TMEM44: variants seen among roughly 807,000 people sequenced by gnomAD.
TMEM44 encodes the protein transmembrane protein 44.
In TMEM44, 43 loss-of-function variants were observed where a neutral mutation model predicts 47.8. The ratio of observed to expected loss-of-function variants is 0.90; its 90% CI spans 0.70 to 1.16. TMEM44 has a LOEUF of 1.16. Ranked by LOEUF, TMEM44 falls within the 50% of genes most tolerant of loss-of-function variation. The pLI is 0.00. For synonymous variants in TMEM44, 277 were observed against 238.8 expected (o/e 1.16, Z -1.48); for missense variants, 568 against 555.2 (o/e 1.02, Z -0.23).
At chr3:194,617,927 A>ACT (rs149167482) in intron 5 of TMEM44, among the ~76,000 whole-genome samples, 26 of 149,912 alleles carry the variant, frequency 1.7e-4, no homozygotes, top group Non-Finnish European at 3.3e-4. Context: ...ACCCTCTTGC[A>ACT]CTCTCTCTCT....
At chr3:194,603,361 G>C (rs1033398193) in intron 9 of TMEM44, among the ~76,000 whole-genome samples, 2 of 152,200 alleles carry the variant, frequency 1.3e-5, no homozygotes, top group Non-Finnish European at 2.9e-5. Flanking sequence ...TCCTCGGGGG[G>C]AGAAAAGCTC....
At chr3:194,588,756 A>G (rs1712185004) in intron 9 of TMEM44, 117 bp from the exon 10 acceptor site, 4 of 982,628 alleles carry the variant, frequency 4.1e-6, no homozygotes, top group Non-Finnish European at 6.2e-6. Context: ...AGGCACAGAC[A>G]AGGACAAAAG....
At chr3:194,591,519 A>G (rs1391151489) in intron 9 of TMEM44, among the ~76,000 whole-genome samples, 2 of 152,296 alleles carry the variant, frequency 1.3e-5, no homozygotes, top group East Asian at 1.9e-4. Flanking sequence ...TACATAAATA[A>G]GTAAGTAAAA....
intron 3 of TMEM44, among the ~76,000 whole-genome samples, chr3:194,624,895 T>A (rs555822720): frequency 6.6e-6 from 1 of 152,028 alleles, no homozygotes; most frequent in South Asian, 2.1e-4. Flanking sequence ...TGTATTTTTT[T>A]AGTAGAGACA....
chr3:194,617,219 C>A lies in TMEM44; in HGVS notation c.663G>T (p.Ser221=). 6 of 1,551,470 alleles carry A rather than the reference C, an allele frequency of 3.9e-6. No homozygotes were observed. The highest frequency in any genetic ancestry group is 5.2e-6 in the Non-Finnish European group (6 of 1,147,332). The change falls in exon 6 of 10, where the codon TCG becomes TCT. Residue 221 remains serine, a synonymous_variant. Transcript: ENST00000347147. ...AGGCATAGAGGAGGCCAGCCAGGGC[C>A]GACAGGAGCCGGGTCCACAGGTGGA... is the stretch of plus-strand genomic sequence containing the variant. ...PSIHLWTRLL[S]ALAGLLYASA... is the part of the protein sequence containing the mutation.
chr3:194,604,299 G>A lies in TMEM44; in HGVS notation c.1164C>T (p.Asn388=). 2 of 1,580,718 alleles carry A rather than the reference G, an allele frequency of 1.3e-6. No individual in the cohort carries two copies. Among genetic ancestry groups the A allele is most frequent in the Non-Finnish European group, 1.7e-6 (2 of 1,164,108 alleles). Residue 388 remains asparagine (N), a synonymous_variant, in exon 9 of 10, where the codon AAC becomes AAT. Transcript: ENST00000347147. ...AACAGCCGTGTACCTCCAGGTCGGA[G>A]TTGATGGAGGAGACCTCAGAGGAGC... The part of the protein sequence containing the change: ...SGSSSEVSSI[N]SDLEWDPEDV...
intron 3 of TMEM44, among the ~76,000 whole-genome samples, chr3:194,624,287 T>A (rs2108598769): frequency 6.6e-6 from 1 of 151,324 alleles, no homozygotes; most frequent in Admixed American, 6.6e-5. Flanking sequence ...CTTGGCCTCA[T>A]GAGTGGCTGG....
At chr3:194,602,427 C>T (rs1336222322) in intron 9 of TMEM44, among the ~76,000 whole-genome samples, 1 of 152,108 alleles carries the variant, frequency 6.6e-6, no homozygotes, top group Non-Finnish European at 1.5e-5. Flanking sequence ...CATGGTGAAA[C>T]CTCATCTTTA....
rs193086245 is a variant in TMEM44, at chr3:194,618,225, T to C, written c.613-956A>G. ...ATCCGAAAAATGAGAGATGATATTC[T>C]GGAAATTTTAAAGCCAAGAGGACAT... On this transcript the variant is annotated intron_variant, in intron 5 of 9. Coordinates refer to ENST00000347147, the MANE Select transcript of TMEM44 (RefSeq NM_001011655.3). 1.8e-3 allele frequency among the ~76,000 whole-genome samples: 270 copies of C among 152,288 alleles called. 2 individuals carry two copies. Among genetic ancestry groups the C allele is most frequent in the Non-Finnish European group, 3.1e-3 (208 of 68,026 alleles).
chr3:194,633,193 G>A lies in TMEM44; in HGVS notation c.23C>T (p.Ala8Val). Residue 8 changes from alanine to valine, a missense_variant, in exon 1 of 10, where the codon GCG (alanine) becomes GTG (valine). By Grantham distance (64) the Ala-to-Val change is moderately conservative. Coordinates refer to ENST00000347147, the MANE Select transcript of TMEM44 (RefSeq NM_001011655.3). MGEAPSPAPALWDWDYLD... is the reference protein window; with the variant it reads MGEAPSPVPALWDWDYLD... ...GTAGTCCCAGTCCCAGAGCGCGGGC[G>A]CGGGGCTGGGCGCCTCCCCCATGGC... 1 of 1,500,548 alleles carries A rather than the reference G, an allele frequency of 6.7e-7. No individual in the cohort carries two copies. Among genetic ancestry groups the A allele is most frequent in the Non-Finnish European group, 8.9e-7 (1 of 1,124,618 alleles). The allele number at this position is 1,500,548 out of a possible 1,614,324, so 93.0% of individuals were successfully genotyped here.
intron 9 of TMEM44, among the ~76,000 whole-genome samples, chr3:194,602,724 G>A (rs776256958): frequency 6.6e-4 from 101 of 152,310 alleles, no homozygotes; most frequent in Middle Eastern, 3.4e-3. Context: ...TGGCCAGGTA[G>A]TGCTCCCGGT....
chr3:194,592,050 C>G (rs1045082834), intron 9 of TMEM44, among the ~76,000 whole-genome samples: 8 of 152,032 alleles, frequency 5.3e-5, no homozygotes, highest in African/African-American at 1.9e-4. Flanking sequence ...AACCCCGTCT[C>G]TACTAAAAAT....
chr3:194,615,035 G>A (rs1355832723), intron 7 of TMEM44, among the ~76,000 whole-genome samples: 6 of 152,152 alleles, frequency 3.9e-5, no homozygotes, highest in Admixed American at 1.3e-4. Context: ...TCAGGAGTTC[G>A]AGACCAGCCT....
chr3:194,602,799 C>T (rs1441081904), intron 9 of TMEM44, among the ~76,000 whole-genome samples: 1 of 152,156 alleles, frequency 6.6e-6, no homozygotes, highest in East Asian at 1.9e-4. Context: ...CTGAGGAATC[C>T]AGACTTCATC....
In TMEM44 at chr3:194,595,366, T is replaced by C. The variant is rs1384210778; in HGVS notation, c.1177-6727A>G. Among the ~76,000 whole-genome samples the C allele has an allele frequency of 3.9e-5, 6 of 152,348 alleles. No individual in the cohort carries two copies. In the South Asian group the frequency reaches 6.2e-4, roughly 16 times the overall value. ...TCCTATAGCCTTTGTCTATATAGCA[T>C]GTAGTAATGTTTCTTTAATTCTGGA... On this transcript the variant is annotated intron_variant, in intron 9 of 9. Transcript: ENST00000347147.
chr3:194,617,296 C>CGGGGG, intron 5 of TMEM44, 27 bp from the exon 6 acceptor site: 3 of 754,310 alleles, frequency 4.0e-6, no homozygotes, highest in Non-Finnish European at 6.1e-6. Context: ...AGGGGCTGGG[C>CGGGGG]GGGAGAAGCA....
intron 9 of TMEM44, chr3:194,593,082 T>C: frequency 2.5e-6 from 4 of 1,613,126 alleles, no homozygotes; most frequent in Non-Finnish European, 3.4e-6. Flanking sequence ...TGCTGCAGAA[T>C]AAAAAGAGAG....
intron 5 of TMEM44, chr3:194,622,478 C>A (rs559780140): frequency 3.3e-5 from 5 of 152,412 alleles, no homozygotes; most frequent in South Asian, 2.1e-4. Flanking sequence ...ATCTTACCCC[C>A]CCCAGCACTG....
intron 1 of TMEM44, chr3:194,632,827 C>G: frequency 2.0e-6 from 1 of 511,052 alleles, no homozygotes; most frequent in Non-Finnish European, 3.3e-6. Flanking sequence ...CCAGGGCTCG[C>G]GGTGTCCTCG....
Sources: allele counts gnomAD v4.1 joint callset (sites outside exome capture counted in the v4.1 genomes callset), GRCh38; gene constraint gnomAD v4.1.1; transcripts MANE v1.5; gene names NCBI Gene and HGNC (gene_info 2026-07-23, HGNC 2026-07-21).